The following SLC6A7 variants were observed in gnomAD, a reference collection of about 807,000 sequenced individuals.
SLC6A7 encodes the protein solute carrier family 6 member 7.
In SLC6A7, 58 loss-of-function variants were observed where a neutral mutation model predicts 73.1. That is an observed-to-expected ratio of 0.79 (90% CI 0.64 to 0.99). The LOEUF (loss-of-function observed/expected upper bound fraction) is 0.99, where lower values mean the gene tolerates loss of function less well. SLC6A7 is among the 50% of genes least tolerant of loss of function. SLC6A7 has a pLI of 0.00. For missense variants in SLC6A7, 783 were observed against 831.4 expected (o/e 0.94, Z 0.72); for synonymous variants, 338 against 338.7 (o/e 1.00, Z 0.02).
chr5:150,202,998 C>G (rs186435629), intron 8 of SLC6A7, among the ~76,000 whole-genome samples: 1 of 151,450 alleles, frequency 6.6e-6, no homozygotes, highest in Non-Finnish European at 1.5e-5. Context: ...CGCTTGAACC[C>G]GGGAGGTGGA....
At chr5:150,205,824 G>A (rs1187270187) in intron 13 of SLC6A7, among the ~76,000 whole-genome samples, 2 of 152,304 alleles carry the variant, frequency 1.3e-5, no homozygotes, top group South Asian at 2.1e-4. Flanking sequence ...TTAGGGGAGT[G>A]GGTGGCACAA....
Position 150,190,211 on chromosome 5 carries a change from G to A in SLC6A7, c.-117G>A, listed in dbSNP as rs1170476610. The stretch of plus-strand genomic sequence containing the variant: ...GACGGCAGCGCCTGCGTCCGTGCCC[G>A]CCCCAGCCGGTGCGCGGGAGCCGCG... On this transcript the variant is annotated 5_prime_UTR_variant, in exon 1 of 14. Coordinates refer to ENST00000230671, the MANE Select transcript of SLC6A7 (RefSeq NM_014228.5). The A allele has an allele frequency of 2.3e-6, 2 of 871,354 alleles. No individual in the cohort carries two copies. The highest frequency in any genetic ancestry group is 3.4e-6 in the Non-Finnish European group (2 of 591,512). The allele number at this position is 871,354 out of a possible 1,614,324, so 54.0% of individuals were successfully genotyped here.
At position 150,203,955 on chromosome 5, in the gene SLC6A7, T is replaced by C. The variant is rs763299082; in HGVS notation, c.1249T>C (p.Tyr417His). The C allele has an allele frequency of 8.1e-6, 13 of 1,612,196 alleles. No homozygotes were observed. The highest frequency in any genetic ancestry group is 1.3e-5 in the African/African-American group (1 of 74,672). ...IVTAVTDEFP[Y>H]YLRPKKAVFS... is the part of the protein sequence containing the mutation. ...GACAGCTGTGACAGATGAGTTCCCA[T>C]ACTACCTGCGGCCCAAGAAGGCGGT... The change falls in exon 10 of 14, where the codon TAC (tyrosine) becomes CAC (histidine). Residue 417 changes from tyrosine to histidine, a missense_variant. Physicochemically the swap from Tyr to His is moderately conservative, Grantham distance 83. Transcript: ENST00000230671.
At chr5:150,193,152 C>T (rs542517322) in intron 1 of SLC6A7, among the ~76,000 whole-genome samples, 32 of 152,348 alleles carry the variant, frequency 2.1e-4, no homozygotes, top group African/African-American at 6.3e-4. Context: ...TCATTGTCAT[C>T]GTCACCCATA....
Position 150,205,680 on chromosome 5 carries a change from G to C in SLC6A7, c.1701+57G>C, listed in dbSNP as rs1753664619. On this transcript the variant is annotated intron_variant, in intron 13 of 13. Transcript: ENST00000230671. ...TTCCTGACCTGTGGCCTGACCCTAG[G>C]TCCCCCTGCTAGAACAGAAAACATA... The C allele has an allele frequency of 5.4e-6, 8 of 1,468,798 alleles. No homozygotes were observed. In the Admixed American group the frequency reaches 1.6e-4, roughly 29 times the overall value. The allele number at this position is 1,468,798 out of a possible 1,614,324, so 91.0% of individuals were successfully genotyped here. A position where few individuals can be genotyped will look rare whatever the true frequency, so the allele number is the denominator to read the frequency against.
chr5:150,204,878 G>T lies in SLC6A7; in HGVS notation c.1484G>T (p.Gly495Val). Residue 495 changes from glycine to valine, a missense_variant, in exon 12 of 14, where the codon GGC becomes GTC. Physicochemically the swap from Gly to Val is moderately radical, Grantham distance 109. Transcript: ENST00000230671. ...DIHMMLGFKP[G>V]LYFRACWLFL... is the part of the protein sequence containing the mutation. ...CACATGATGCTGGGCTTCAAGCCGG[G>T]CCTCTACTTCAGGGCCTGCTGGCTG... The T allele has an allele frequency of 6.3e-7, 1 of 1,582,666 alleles. No homozygotes were observed. Among genetic ancestry groups the T allele is most frequent in the Non-Finnish European group, 8.6e-7 (1 of 1,160,964 alleles).
rs17111043 is a variant in SLC6A7, at chr5:150,209,450, G to A, written c.1746G>A (p.Ser582=). The A allele has an allele frequency of 5.7e-3, 9,178 of 1,614,064 alleles. 463 individuals are homozygous for A. In the African/African-American group the frequency reaches 0.11, roughly 19 times the overall value. The change falls in exon 14 of 14, where the codon TCG becomes TCA. Residue 582 remains serine, a synonymous_variant. Transcript: ENST00000230671. ...ASRPAMDWGP[S]LEENRTGMYV... is the part of the protein sequence containing the mutation. ...GGCCGGCCATGGACTGGGGACCATC[G>A]CTGGAGGAGAACCGGACGGGCATGT... is the stretch of plus-strand genomic sequence containing the variant.
chr5:150,207,138 TTTTTA>T (rs533105148), intron 13 of SLC6A7, among the ~76,000 whole-genome samples: 9 of 152,218 alleles, frequency 5.9e-5, no homozygotes, highest in Non-Finnish European at 8.8e-5. Flanking sequence ...TCTGTCTTTA[TTTTTA>T]TTTTATTTTA....
At chr5:150,207,255 C>CT (rs1272040788) in intron 13 of SLC6A7, among the ~76,000 whole-genome samples, 2 of 151,776 alleles carry the variant, frequency 1.3e-5, no homozygotes, top group East Asian at 3.9e-4. Context: ...GTTTTTTTGT[C>CT]TTTTTTTGTT....
At chr5:150,199,118 C>T (rs1753232897) in intron 4 of SLC6A7, 110 bp from the exon 5 acceptor site, 17 of 1,378,696 alleles carry the variant, frequency 1.2e-5, no homozygotes, top group Middle Eastern at 2.3e-4. Flanking sequence ...ATCAAGAGGG[C>T]GTCAAGTGGA....
rs1191886320 is a variant in SLC6A7, at chr5:150,197,157, G to A, written c.465G>A (p.Glu155=). The A allele has an allele frequency of 3.1e-6, 5 of 1,614,094 alleles. 1 individual carries two copies. The highest frequency in any genetic ancestry group is 4.2e-6 in the Non-Finnish European group (5 of 1,179,998). The part of the protein sequence containing the change: ...FASLTSDLPW[E]HCGNWWNTEL... ...CCCTCACCAGCGACCTACCCTGGGAGCACTGTGGCAACTGGTGGAACACAG... is the reference window on the plus strand; with the variant it reads ...CCCTCACCAGCGACCTACCCTGGGAACACTGTGGCAACTGGTGGAACACAG... Residue 155 remains glutamate (E), a synonymous_variant, in exon 4 of 14, where the codon GAG becomes GAA. Coordinates refer to ENST00000230671, the MANE Select transcript of SLC6A7 (RefSeq NM_014228.5).
rs751763736 is a variant in SLC6A7, at chr5:150,196,679, C to A, written c.218-37C>A. 4 of 1,592,542 alleles carry A rather than the reference C, an allele frequency of 2.5e-6. No individual in the cohort carries two copies. In the South Asian group the frequency reaches 3.4e-5, roughly 14 times the overall value. ...TAGAGCTGGGCTTTTGGGGGAGCTG[C>A]CCCCAAGGCCCTTGCTGACCACCCC... On this transcript the variant is annotated intron_variant, in intron 2 of 13. Coordinates refer to ENST00000230671, the MANE Select transcript of SLC6A7 (RefSeq NM_014228.5).
At chr5:150,202,936 G>T (rs2240790) in intron 8 of SLC6A7, among the ~76,000 whole-genome samples, 63,304 of 151,962 alleles carry the variant, frequency 0.42, 13,880 homozygotes, top group Non-Finnish European at 0.5. Context: ...GTAGCCGGGC[G>T]TGGTGGCACA....
At position 150,197,054 on chromosome 5, in the gene SLC6A7, C is replaced by G; in HGVS notation, c.362C>G (p.Ala121Gly). The change falls in exon 4 of 14, where the codon GCC becomes GGC. Residue 121 changes from alanine (A) to glycine (G), a missense_variant. Coordinates refer to ENST00000230671, the MANE Select transcript of SLC6A7 (RefSeq NM_014228.5). ...CTCCCCACACCAGGCGCCGGCGCAG[C>G]CATGCTGCTCATCGTGGGCTTGGTG... ...ISPLFKGAGA[A>G]MLLIVGLVAI... The G allele has an allele frequency of 6.2e-7, 1 of 1,613,872 alleles. No homozygotes were observed. Among genetic ancestry groups the G allele is most frequent in the Non-Finnish European group, 8.5e-7 (1 of 1,179,866 alleles).
chr5:150,205,397 C>G, intron 12 of SLC6A7, 59 bp from the exon 13 acceptor site: 2 of 1,305,864 alleles, frequency 1.5e-6, no homozygotes, highest in African/African-American at 3.3e-5. Context: ...TGGGCTACCT[C>G]GGGCCTTAAG....
intron 11 of SLC6A7, 23 bp downstream of exon 11, chr5:150,204,654 G>A (rs1753585283): frequency 6.4e-7 from 1 of 1,559,048 alleles, no homozygotes; most frequent in Non-Finnish European, 8.9e-7. Context: ...GTGGGAAGTG[G>A]AGTCGAGCTC....
chr5:150,194,785 G>A lies in SLC6A7; in HGVS notation c.91G>A (p.Val31Met). ...TGACCAGGGCGATGTCGACCTGGAT[G>A]TGGACTTTGCTGCACACCGGGGGAA... ...PSDQGDVDLD[V>M]DFAAHRGNWT... The change falls in exon 2 of 14, where the codon GTG becomes ATG. Residue 31 changes from valine (V) to methionine (M), a missense_variant. Val to Met is a conservative substitution (Grantham distance 21). Transcript: ENST00000230671. The A allele has an allele frequency of 6.2e-7, 1 of 1,614,152 alleles. No homozygotes were observed. Among genetic ancestry groups the A allele is most frequent in the Non-Finnish European group, 8.5e-7 (1 of 1,180,008 alleles).
At chr5:150,192,835 T>C (rs1432906123) in intron 1 of SLC6A7, among the ~76,000 whole-genome samples, 1 of 152,136 alleles carries the variant, frequency 6.6e-6, no homozygotes, top group Non-Finnish European at 1.5e-5. Flanking sequence ...GCCTGAATGG[T>C]GCTGGGATGG....
At chr5:150,207,566 T>C (rs73279871) in intron 13 of SLC6A7, among the ~76,000 whole-genome samples, 14,879 of 152,180 alleles carry the variant, frequency 0.098, 1,949 homozygotes, top group African/African-American at 0.3. Context: ...TTTAGGCCTG[T>C]TATGAGAAGA....
Sources: gnomAD v4.1 joint callset for allele counts (sites outside exome capture counted in the v4.1 genomes callset) on GRCh38, gnomAD v4.1.1 for gene constraint, MANE v1.5 for transcripts, NCBI Gene and HGNC (gene_info 2026-07-23, HGNC 2026-07-21) for gene names.